The following NEMP2 variants were observed in gnomAD, a reference collection of about 807,000 sequenced individuals.
NEMP2 encodes the protein nuclear envelope integral membrane protein 2.
In NEMP2, 53 loss-of-function variants were observed where a neutral mutation model predicts 54.2. The observed-to-expected ratio is 0.98, with a 90% CI of 0.78 to 1.23. NEMP2 has a LOEUF of 1.23. NEMP2 is among the 50% of genes most tolerant of loss of function. The pLI, the probability that NEMP2 is intolerant of heterozygous loss-of-function variation, is 0.00. For synonymous variants in NEMP2, 197 were observed against 190.3 expected (o/e 1.04, Z -0.29); for missense variants, 455 against 511.3 (o/e 0.89, Z 1.06).
chr2:190,534,473 C>T (rs2125360572), intron 1 of NEMP2, 86 bp downstream of exon 1: 2 of 1,275,190 alleles, frequency 1.6e-6, no homozygotes, highest in East Asian at 3.3e-5. Context: ...CGGTGCCGCC[C>T]GGGCCAAAGA....
the NEMP2 span, among the ~76,000 whole-genome samples, chr2:190,604,038 T>C: frequency 1.3e-5 from 2 of 152,224 alleles, no homozygotes; most frequent in African/African-American, 2.4e-5. The surrounding 1 kb of genome is among the most constrained non-coding windows in gnomAD (Gnocchi z 4.5). Flanking sequence ...TCAATGAATG[T>C]CATTTACTTC....
In NEMP2 at chr2:190,516,290, T is replaced by C. The variant is rs900915920; in HGVS notation, c.707A>G (p.Glu236Gly). ...LMEDLKWLWY[E>G]NRIYVLGYVL... ...CCTACCTAATACATATATCCTGTTTTCATACCACAGCCACTTCAGATCTTC... is the reference window on the plus strand; with the variant it reads ...CCTACCTAATACATATATCCTGTTTCCATACCACAGCCACTTCAGATCTTC... The change falls in exon 6 of 9, where the codon GAA becomes GGA. Residue 236 changes from glutamate (E) to glycine (G), a missense_variant. Around this residue, in one of 3 missense-constraint regions of NEMP2, gnomAD observed 294 missense variants for 333.6 expected, o/e 0.88. Transcript: ENST00000409150. 1.3e-6 allele frequency: 2 copies of C among 1,550,662 alleles called. No homozygotes were observed. The highest frequency in any genetic ancestry group is 2.7e-5 in the African/African-American group (2 of 72,922).
Position 190,514,330 on chromosome 2 carries a change from C to T in NEMP2, c.953+123G>A. 1.0e-6 allele frequency: 1 copy of T among 977,582 alleles called. No individual in the cohort carries two copies. Among genetic ancestry groups the T allele is most frequent in the Admixed American group, 2.2e-5 (1 of 45,338 alleles). The allele number at this position is 977,582 out of a possible 1,614,324, so 60.6% of individuals were successfully genotyped here. On this transcript the variant is annotated intron_variant, in intron 7 of 8. Coordinates refer to ENST00000409150, the MANE Select transcript of NEMP2 (RefSeq NM_001142645.2). This position sits in a 1 kb window ranked among gnomAD's most constrained non-coding sequence, Gnocchi z 5.7. ...CTACCCCTACACCCCCAATCTTGCT[C>T]AGAATGAAATCTCCAGATCAAATGT...
the NEMP2 span, among the ~76,000 whole-genome samples, chr2:190,482,787 G>A: frequency 5.5e-4 from 82 of 147,974 alleles, no homozygotes; most frequent in Non-Finnish European, 1.1e-3. Context: ...GTGTTATAAG[G>A]TATTTGGGGC....
chr2:190,480,445 T>C, the NEMP2 span, among the ~76,000 whole-genome samples: 1 of 152,226 alleles, frequency 6.6e-6, no homozygotes, highest in Non-Finnish European at 1.5e-5. Context: ...CAAAAACTTA[T>C]TAAGTATCTG....
chr2:190,452,810 G>C, the NEMP2 span, among the ~76,000 whole-genome samples: 3 of 152,132 alleles, frequency 2.0e-5, no homozygotes, highest in African/African-American at 7.2e-5. Flanking sequence ...TATTCCTTCA[G>C]GGTTAGCTCC....
downstream of NEMP2, chr2:190,500,517 G>C (rs898313045): frequency 1.7e-5 from 6 of 344,546 alleles, no homozygotes; most frequent in Non-Finnish European, 3.2e-5. This position sits in a 1 kb window ranked among gnomAD's most constrained non-coding sequence, Gnocchi z 5.3. Flanking sequence ...AGTGCAGTAA[G>C]AGTTGAAACC....
chr2:190,532,727 C>G (rs1298171051), intron 1 of NEMP2, among the ~76,000 whole-genome samples: 1 of 152,224 alleles, frequency 6.6e-6, no homozygotes, highest in Non-Finnish European at 1.5e-5. Context: ...GAAGTACCAG[C>G]TGTTTCCTCT....
chr2:190,642,902 A>T, the NEMP2 span, among the ~76,000 whole-genome samples: 1 of 152,124 alleles, frequency 6.6e-6, no homozygotes, highest in Non-Finnish European at 1.5e-5. This position sits in a 1 kb window ranked among gnomAD's most constrained non-coding sequence, Gnocchi z 4.1. Flanking sequence ...TTCCGAAAAT[A>T]ATAAATTAAT....
the NEMP2 span, among the ~76,000 whole-genome samples, chr2:190,471,839 C>T: frequency 6.6e-6 from 1 of 152,180 alleles, no homozygotes; most frequent in African/African-American, 2.4e-5. This position sits in a 1 kb window ranked among gnomAD's most constrained non-coding sequence, Gnocchi z 4.7. Context: ...GAGGCACCCC[C>T]CAGTAGGGGC....
chr2:190,539,234 C>A (rs1691471206), upstream of NEMP2, among the ~76,000 whole-genome samples: 1 of 152,130 alleles, frequency 6.6e-6, no homozygotes, highest in Admixed American at 6.5e-5. The surrounding 1 kb of genome is among the most constrained non-coding windows in gnomAD (Gnocchi z 4.1). Context: ...GTCCTTGGTA[C>A]TTCTGTTGAA....
At chr2:190,425,342 G>T in the NEMP2 span, among the ~76,000 whole-genome samples, 410 of 152,130 alleles carry the variant, frequency 2.7e-3, 1 homozygote, top group African/African-American at 9.3e-3. This position sits in a 1 kb window ranked among gnomAD's most constrained non-coding sequence, Gnocchi z 4.3. Flanking sequence ...ATTTCCTATT[G>T]CACTGGTGAG....
At chr2:190,585,402 C>T in the NEMP2 span, among the ~76,000 whole-genome samples, 12 of 152,134 alleles carry the variant, frequency 7.9e-5, no homozygotes, top group Admixed American at 5.9e-4. The surrounding 1 kb of genome is among the most constrained non-coding windows in gnomAD (Gnocchi z 5.3). Flanking sequence ...TGCCTCTAGC[C>T]CATACAGGCC....
the NEMP2 span, among the ~76,000 whole-genome samples, chr2:190,603,998 T>G: frequency 6.6e-6 from 1 of 152,236 alleles, no homozygotes; most frequent in Admixed American, 6.5e-5. Context: ...TTTAATCATT[T>G]TTACTTAATG....
the NEMP2 span, among the ~76,000 whole-genome samples, chr2:190,572,946 G>T: frequency 6.8e-6 from 1 of 147,894 alleles, no homozygotes; most frequent in Non-Finnish European, 1.5e-5. Flanking sequence ...CTAGGTCAAA[G>T]GGTGTGTAAA....
chr2:190,474,328 TAAAG>T, the NEMP2 span, among the ~76,000 whole-genome samples: 74 of 151,748 alleles, frequency 4.9e-4, no homozygotes, highest in Non-Finnish European at 8.4e-4. Context: ...GCAAGACTAA[TAAAG>T]AAGAAAAGAT....
the NEMP2 span, among the ~76,000 whole-genome samples, chr2:190,647,071 ACTTTCT>A: frequency 6.6e-6 from 1 of 152,192 alleles, no homozygotes; most frequent in African/African-American, 2.4e-5. Context: ...TGACCATCTA[ACTTTCT>A]CTTTAGTAGA....
chr2:190,501,180 G>C (rs982826715), downstream of NEMP2: 1 of 152,170 alleles, frequency 6.6e-6, no homozygotes, highest in African/African-American at 2.4e-5. Flanking sequence ...AGATTTAAGT[G>C]CCTGGGGGAA....
chr2:190,634,497 A>T, the NEMP2 span, among the ~76,000 whole-genome samples: 5 of 152,262 alleles, frequency 3.3e-5, no homozygotes, highest in Admixed American at 2.0e-4. This position sits in a 1 kb window ranked among gnomAD's most constrained non-coding sequence, Gnocchi z 6.8. Context: ...AAACAAGCAA[A>T]ATTCCTACAA....
Sources: gnomAD v4.1 joint callset for allele counts (sites outside exome capture counted in the v4.1 genomes callset) on GRCh38, gnomAD v4.1.1 for gene constraint, gnomAD v4.1.1 regional missense constraint, Gnocchi (gnomAD v3.1) non-coding constraint, MANE v1.5 for transcripts, NCBI Gene and HGNC (gene_info 2026-07-23, HGNC 2026-07-21) for gene names.